The following KIAA1671 variants were observed in gnomAD, a reference collection of about 807,000 sequenced individuals.
KIAA1671 encodes the protein uncharacterized protein KIAA1671.
A neutral mutation model predicts 131.2 loss-of-function variants in KIAA1671; 52 were observed. The ratio of observed to expected loss-of-function variants is 0.40; its 90% CI spans 0.32 to 0.50. The LOEUF (loss-of-function observed/expected upper bound fraction) is 0.50. KIAA1671 is among the 20% of genes least tolerant of loss of function. KIAA1671 has a pLI of 0.73. For synonymous variants in KIAA1671, 1,003 were observed against 961.6 expected (o/e 1.04, Z -0.80); for missense variants, 2,360 against 2,364.2 (o/e 1.00, Z 0.04).
chr22:25,084,251 C>A (rs376023787), intron 6 of KIAA1671, among the ~76,000 whole-genome samples: 1 of 151,946 alleles, frequency 6.6e-6, no homozygotes, highest in Non-Finnish European at 1.5e-5. Context: ...CCGAGGCGGG[C>A]GGATCACCGA....
chr22:25,019,696 A>T (rs1925555873), intron 1 of KIAA1671, among the ~76,000 whole-genome samples: 2 of 151,772 alleles, frequency 1.3e-5, no homozygotes. Context: ...AAAAAAAAAA[A>T]ATCCCTTCTG....
In KIAA1671 at chr22:25,114,538, C is replaced by T. The variant is rs948621281; in HGVS notation, c.4531-56282C>T. 6.6e-5 allele frequency among the ~76,000 whole-genome samples: 10 copies of T among 152,210 alleles called. No individual in the cohort carries two copies. In the East Asian group the frequency reaches 1.7e-3, roughly 26 times the overall value. ...CCTAGGGGTTGAGTCCTGGCTCTGC[C>T]GCTTCCCAGCTGTGTGATCTTGGAC... On this transcript the variant is annotated intron_variant, in intron 6 of 12. Transcript: ENST00000358431.
chr22:25,130,056 C>T (rs536302862), intron 6 of KIAA1671, among the ~76,000 whole-genome samples: 6 of 152,016 alleles, frequency 3.9e-5, no homozygotes, highest in South Asian at 4.2e-4. Context: ...GCCTGGGCAA[C>T]GGAGTGAGAT....
intron 6 of KIAA1671, among the ~76,000 whole-genome samples, chr22:25,167,635 G>C (rs1490464605): frequency 1.3e-5 from 2 of 152,186 alleles, no homozygotes; most frequent in African/African-American, 4.8e-5. Context: ...GTTTTACAGT[G>C]AGTAAGGTGT....
chr22:24,979,598 C>A (rs1280369558), intron 1 of KIAA1671, among the ~76,000 whole-genome samples: 3 of 152,092 alleles, frequency 2.0e-5, no homozygotes, highest in African/African-American at 7.2e-5. Context: ...ATCCGCCCGC[C>A]TCGGCCTCCC....
chr22:25,158,799 T>G (rs1260524051), intron 6 of KIAA1671, among the ~76,000 whole-genome samples: 1 of 152,184 alleles, frequency 6.6e-6, no homozygotes, highest in African/African-American at 2.4e-5. Flanking sequence ...GAGGACTAAA[T>G]GTCACGGCCC....
chr22:25,104,985 G>A (rs1930915026), intron 6 of KIAA1671, among the ~76,000 whole-genome samples: 1 of 151,940 alleles, frequency 6.6e-6, no homozygotes, highest in South Asian at 2.1e-4. Flanking sequence ...ATGAATGACC[G>A]ACATATTCTG....
chr22:25,067,505 G>A (rs921924749), intron 6 of KIAA1671, among the ~76,000 whole-genome samples: 1 of 151,542 alleles, frequency 6.6e-6, no homozygotes, highest in East Asian at 1.9e-4. Context: ...CATGTCTCTC[G>A]TCTTTCTCTT....
chr22:24,953,643 C>T (rs1921539224), intron 1 of KIAA1671, among the ~76,000 whole-genome samples: 1 of 151,952 alleles, frequency 6.6e-6, no homozygotes, highest in Non-Finnish European at 1.5e-5. Flanking sequence ...TGGGAAGCGG[C>T]TCGTTGACCC....
intron 11 of KIAA1671, among the ~76,000 whole-genome samples, chr22:25,187,220 G>T (rs973919446): frequency 6.6e-6 from 1 of 152,172 alleles, no homozygotes; most frequent in Non-Finnish European, 1.5e-5. Flanking sequence ...AATCAGTCAC[G>T]TCCTGTGTGC....
intron 6 of KIAA1671, among the ~76,000 whole-genome samples, chr22:25,138,118 A>G (rs1406082735): frequency 6.6e-6 from 1 of 152,210 alleles, no homozygotes; most frequent in Non-Finnish European, 1.5e-5. Context: ...AGTGGCTTAA[A>G]ACAGAAAAAT....
intron 1 of KIAA1671, chr22:25,014,912 A>T: frequency 6.6e-6 from 1 of 152,146 alleles, no homozygotes; most frequent in East Asian, 1.9e-4. Context: ...AGCAGGGGTC[A>T]GCAAATTTTG....
At chr22:24,984,036 C>T (rs930851579) in intron 1 of KIAA1671, among the ~76,000 whole-genome samples, 3 of 152,036 alleles carry the variant, frequency 2.0e-5, no homozygotes, top group Non-Finnish European at 2.9e-5. Context: ...CCTCGGCCTC[C>T]CAAAGTGCTA....
intron 1 of KIAA1671, among the ~76,000 whole-genome samples, chr22:24,954,802 A>G (rs1001340762): frequency 6.6e-6 from 1 of 151,826 alleles, no homozygotes; most frequent in South Asian, 2.1e-4. Flanking sequence ...GTTTTTTGAG[A>G]TGGAGTCTCG....
intron 1 of KIAA1671, among the ~76,000 whole-genome samples, chr22:24,986,711 C>A (rs1037003724): frequency 2.1e-5 from 3 of 142,992 alleles, no homozygotes; most frequent in Non-Finnish European, 4.6e-5. Context: ...ATCCATCCAC[C>A]CACCCACCCA....
At chr22:25,128,699 C>A (rs1177259058) in intron 6 of KIAA1671, among the ~76,000 whole-genome samples, 1 of 152,158 alleles carries the variant, frequency 6.6e-6, no homozygotes, top group Admixed American at 6.5e-5. Flanking sequence ...CATCTCTTTG[C>A]ACCCCCATAA....
chr22:25,110,498 T>G (rs1931273389), intron 6 of KIAA1671, among the ~76,000 whole-genome samples: 1 of 151,168 alleles, frequency 6.6e-6, no homozygotes, highest in Non-Finnish European at 1.5e-5. Context: ...CTTGGGCAAG[T>G]GAATCTATGT....
intron 1 of KIAA1671, among the ~76,000 whole-genome samples, chr22:24,986,467 T>C (rs1263037496): frequency 6.6e-6 from 1 of 151,596 alleles, no homozygotes; most frequent in Non-Finnish European, 1.5e-5. Context: ...CTATCTACAT[T>C]GTTTATGGAA....
intron 5 of KIAA1671, among the ~76,000 whole-genome samples, chr22:25,042,627 C>T (rs560832767): frequency 1.4e-4 from 20 of 145,496 alleles, no homozygotes; most frequent in African/African-American, 3.6e-4. Context: ...CCATCATACC[C>T]GGCTAATTTT....
Sources: allele counts gnomAD v4.1 joint callset (sites outside exome capture counted in the v4.1 genomes callset), GRCh38; gene constraint gnomAD v4.1.1; transcripts MANE v1.5; gene names NCBI Gene and HGNC (gene_info 2026-07-23, HGNC 2026-07-21).